TYW2: variants seen among roughly 807,000 people sequenced by gnomAD.
TYW2 encodes the protein tRNA wybutosine-synthesizing protein 2 homolog.
chr8:124,451,232 C>G, the TYW2 span: 1 of 1,614,152 alleles, frequency 6.2e-7, no homozygotes, highest in Non-Finnish European at 8.5e-7. Context: ...CAGGGTTGTT[C>G]ACCTGCCCAA....
the TYW2 span, chr8:124,450,870 C>G: frequency 6.5e-7 from 1 of 1,549,746 alleles, no homozygotes; most frequent in Middle Eastern, 1.8e-4. Flanking sequence ...TTATTTAAGA[C>G]CGGGAATTTA....
chr8:124,451,172 G>A, the TYW2 span: 1 of 1,614,084 alleles, frequency 6.2e-7, no homozygotes, highest in East Asian at 2.2e-5. Flanking sequence ...GCCCCAGGCA[G>A]TCCCTGTATG....
chr8:124,452,079 G>A, the TYW2 span: 1 of 1,614,210 alleles, frequency 6.2e-7, no homozygotes, highest in Non-Finnish European at 8.5e-7. Flanking sequence ...GAAAAATGCT[G>A]TCACCAGCCA....
chr8:124,452,067 G>A, the TYW2 span: 4 of 1,614,188 alleles, frequency 2.5e-6, no homozygotes, highest in Non-Finnish European at 3.4e-6. Context: ...GGGATTCTAG[G>A]GGAAAAATGC....
At chr8:124,451,735 G>A in the TYW2 span, 1 of 1,614,184 alleles carries the variant, frequency 6.2e-7, no homozygotes, top group Non-Finnish European at 8.5e-7. Flanking sequence ...GAATCCCCAT[G>A]CTGTAGTTGC....
the TYW2 span, chr8:124,450,978 C>T: frequency 2.1e-4 from 339 of 1,614,066 alleles, 1 homozygote; most frequent in African/African-American, 4.0e-3. Context: ...GTGGGAAGCC[C>T]GTGGCTGTTG....
chr8:124,451,915 G>A, the TYW2 span: 10 of 1,614,084 alleles, frequency 6.2e-6, no homozygotes, highest in Non-Finnish European at 7.6e-6. Flanking sequence ...GCAGGATGCT[G>A]GAGGCATTTT....
At chr8:124,451,637 T>G in the TYW2 span, 1 of 1,614,198 alleles carries the variant, frequency 6.2e-7, no homozygotes, top group Non-Finnish European at 8.5e-7. Context: ...GCTGGAGAAG[T>G]GCTGGTGGAT....
At chr8:124,451,147 C>T in the TYW2 span, 2 of 1,614,192 alleles carry the variant, frequency 1.2e-6, no homozygotes, top group Non-Finnish European at 1.7e-6. Flanking sequence ...CCTGCAGGAG[C>T]TGAGGAATCG....
the TYW2 span, chr8:124,452,832 G>A: frequency 4.2e-5 from 7 of 167,314 alleles, no homozygotes; most frequent in Non-Finnish European, 1.0e-4. Context: ...AGATTGATAT[G>A]ATAAATAAAA....
chr8:124,451,923 T>G, the TYW2 span: 1 of 1,614,106 alleles, frequency 6.2e-7, no homozygotes, highest in Non-Finnish European at 8.5e-7. Context: ...CTGGAGGCAT[T>G]TTGCATATCC....
chr8:124,451,540 G>T, the TYW2 span: 1 of 1,614,178 alleles, frequency 6.2e-7, no homozygotes, highest in Non-Finnish European at 8.5e-7. Flanking sequence ...TGTGGATAAT[G>T]GTATCCGTTA....
At chr8:124,452,487 C>T in the TYW2 span, 2 of 548,806 alleles carry the variant, frequency 3.6e-6, no homozygotes, top group Non-Finnish European at 6.5e-6. Context: ...GCAGCATGGC[C>T]CATTGAAATG....
At chr8:124,450,873 G>A in the TYW2 span, 8 of 1,552,922 alleles carry the variant, frequency 5.2e-6, no homozygotes, top group Non-Finnish European at 7.0e-6. Context: ...TTTAAGACCG[G>A]GAATTTAGTC....
the TYW2 span, chr8:124,451,051 C>G: frequency 1.2e-6 from 2 of 1,614,168 alleles, no homozygotes. Context: ...GAGGCAGAAA[C>G]TCTTTGATAC....
At chr8:124,452,669 A>T in the TYW2 span, 3 of 180,480 alleles carry the variant, frequency 1.7e-5, no homozygotes, top group Non-Finnish European at 3.9e-5. Context: ...AGAGTGAAAG[A>T]CACAGTGCTT....
chr8:124,450,821 T>C, the TYW2 span: 1 of 1,375,928 alleles, frequency 7.3e-7, no homozygotes, highest in Non-Finnish European at 9.9e-7. Flanking sequence ...TTGCACGTCA[T>C]TTCCGGCACC....
At chr8:124,450,872 GGGAATTTAGTCAGCCT>G in the TYW2 span, 7 of 1,550,976 alleles carry the variant, frequency 4.5e-6, no homozygotes, top group African/African-American at 8.2e-5. Context: ...ATTTAAGACC[GGGAATTTAGTCAGCCT>G]GGTGAGCCGA....
At chr8:124,452,293 C>T in the TYW2 span, 2 of 1,606,348 alleles carry the variant, frequency 1.2e-6, no homozygotes, top group Admixed American at 1.7e-5. Context: ...GATCCTGGGA[C>T]ACATGGGATC....
Sources: gnomAD v4.1 joint callset for allele counts on GRCh38, gnomAD v4.1.1 for gene constraint, MANE v1.5 for transcripts, NCBI Gene and HGNC (gene_info 2026-07-23, HGNC 2026-07-21) for gene names.